The following AVEN variants were observed in gnomAD, a reference collection of about 807,000 sequenced individuals.
AVEN encodes the protein apoptosis and caspase activation inhibitor, also known as cell death regulator Aven.
Under a neutral mutation model 38.1 loss-of-function variants are expected in AVEN, and 41 were observed. That is an observed-to-expected ratio of 1.08 (90% CI 0.84 to 1.40). The LOEUF is 1.40. Among genes scored for constraint, AVEN ranks in the 40% most tolerant of loss-of-function variants. AVEN has a pLI of 0.00. For missense variants in AVEN, 605 were observed against 438.8 expected (o/e 1.38, Z -3.38); for synonymous variants, 206 against 171.8 (o/e 1.20, Z -1.56).
At chr15:33,956,676 C>G (rs2140461023) in intron 2 of AVEN, among the ~76,000 whole-genome samples, 1 of 152,170 alleles carries the variant, frequency 6.6e-6, no homozygotes, top group Non-Finnish European at 1.5e-5. Context: ...TTTAGATAAT[C>G]AGATTTAACA....
At chr15:34,064,280 G>A in intron 4 of AVEN, 1 of 1,614,036 alleles carries the variant, frequency 6.2e-7, no homozygotes, top group Non-Finnish European at 8.5e-7. Flanking sequence ...AAGTGGAAGA[G>A]AAGTTGTACT....
intron 2 of AVEN, among the ~76,000 whole-genome samples, chr15:33,918,720 G>T (rs1893266053): frequency 6.6e-6 from 1 of 152,102 alleles, no homozygotes; most frequent in Non-Finnish European, 1.5e-5. Context: ...CTCCCGAAGT[G>T]CTGGGATTAT....
chr15:34,038,589 G>C (rs1279335723), intron 1 of AVEN, among the ~76,000 whole-genome samples, 191 bp downstream of exon 1: 3 of 146,920 alleles, frequency 2.0e-5, no homozygotes, highest in African/African-American at 5.2e-5. Flanking sequence ...CGAGGGCCAA[G>C]CGCATACCCA....
chr15:33,939,133 G>A (rs511613), intron 2 of AVEN, among the ~76,000 whole-genome samples: 84,503 of 152,084 alleles, frequency 0.56, 26,691 homozygotes, highest in East Asian at 0.75. Context: ...GAGCCACCAC[G>A]CCCGGCCACA....
chr15:33,859,528 A>C (rs1478554615), intron 11 of AVEN: 1 of 1,607,208 alleles, frequency 6.2e-7, no homozygotes, highest in East Asian at 2.2e-5. Flanking sequence ...CTTGCTAAAA[A>C]CAGAACTGTG....
rs540448505 is a variant in AVEN, at chr15:33,981,291, T to C, written c.445+21741A>G. On this transcript the variant is annotated intron_variant, in intron 2 of 5. Transcript: ENST00000306730. ...CATAATTATCTTTTTGCTTGAGTTATTAGCAGTCAAGAAAAACTCATTTGC... is the reference window on the plus strand; with the variant it reads ...CATAATTATCTTTTTGCTTGAGTTACTAGCAGTCAAGAAAAACTCATTTGC... 1.5e-4 allele frequency among the ~76,000 whole-genome samples: 23 copies of C among 152,338 alleles called. No homozygotes were observed. The South Asian group carries it at 4.3e-3, about 29-fold the overall frequency.
intron 2 of AVEN, among the ~76,000 whole-genome samples, chr15:33,899,696 G>C (rs1489074291): frequency 6.6e-6 from 1 of 151,920 alleles, no homozygotes; most frequent in African/African-American, 2.4e-5. Context: ...TCAGTCTCTT[G>C]ACCTCGTGAT....
At chr15:33,899,464 T>C (rs1382004738) in intron 2 of AVEN, among the ~76,000 whole-genome samples, 1 of 7,026 alleles carries the variant, frequency 1.4e-4, no homozygotes, top group African/African-American at 5.0e-4. Flanking sequence ...GAAAACCTTT[T>C]TTTTTTTTTT....
intron 2 of AVEN, among the ~76,000 whole-genome samples, chr15:33,877,363 T>G (rs960253127): frequency 1.3e-5 from 2 of 152,142 alleles, no homozygotes; most frequent in African/African-American, 4.8e-5. Context: ...GCATCAACAC[T>G]GAAAAGCAGG....
At chr15:33,887,460 AAAAT>A (rs1370157788) in intron 2 of AVEN, among the ~76,000 whole-genome samples, 1 of 152,210 alleles carries the variant, frequency 6.6e-6, no homozygotes, top group Non-Finnish European at 1.5e-5. Context: ...AGCTTTTACC[AAAAT>A]AAATATTGTT....
At chr15:33,969,837 A>G (rs2140492020) in intron 2 of AVEN, among the ~76,000 whole-genome samples, 1 of 152,204 alleles carries the variant, frequency 6.6e-6, no homozygotes, top group East Asian at 1.9e-4. Context: ...TCAGTGGTCC[A>G]AACTGTAAAA....
At chr15:33,979,928 G>A (rs1896060436) in intron 2 of AVEN, among the ~76,000 whole-genome samples, 1 of 152,160 alleles carries the variant, frequency 6.6e-6, no homozygotes, top group African/African-American at 2.4e-5. Flanking sequence ...AACCATTCAG[G>A]TGAACACTAA....
chr15:34,031,222 T>G (rs949945936), intron 1 of AVEN, among the ~76,000 whole-genome samples: 7 of 123,706 alleles, frequency 5.7e-5, no homozygotes, highest in African/African-American at 1.2e-4. Flanking sequence ...TTGCCCAGGC[T>G]GGAATGCAAT....
intron 2 of AVEN, among the ~76,000 whole-genome samples, chr15:33,926,098 C>T (rs1893596519): frequency 6.6e-6 from 1 of 152,076 alleles, no homozygotes; most frequent in Non-Finnish European, 1.5e-5. Flanking sequence ...CTCTATATAT[C>T]CATAAAGCAT....
intron 1 of AVEN, chr15:34,006,929 C>T: frequency 2.7e-6 from 1 of 372,432 alleles, no homozygotes; most frequent in Non-Finnish European, 3.7e-6. Context: ...AGAAAAAGAA[C>T]AGAGCAAATA....
chr15:33,979,149 A>G (rs1896023781), intron 2 of AVEN, among the ~76,000 whole-genome samples: 1 of 152,190 alleles, frequency 6.6e-6, no homozygotes, highest in Non-Finnish European at 1.5e-5. Context: ...AAAGGACACA[A>G]CCACAGAAGA....
chr15:33,865,351 C>A (rs115727769), downstream of AVEN: 1,003 of 673,522 alleles, frequency 1.5e-3, 5 homozygotes, highest in African/African-American at 0.017. Flanking sequence ...AAAAAAAAAA[C>A]TGCTGAAAAT....
intron 2 of AVEN, among the ~76,000 whole-genome samples, chr15:33,965,531 C>A (rs900963203): frequency 2.0e-5 from 3 of 151,686 alleles, no homozygotes; most frequent in Admixed American, 2.0e-4. Flanking sequence ...AATGTTCTAG[C>A]AAAAAAGGAC....
intron 1 of AVEN, among the ~76,000 whole-genome samples, chr15:34,017,739 C>T (rs1039306429): frequency 6.6e-6 from 1 of 152,076 alleles, no homozygotes; most frequent in African/African-American, 2.4e-5. Context: ...CTCAGCCTCC[C>T]AAAGTGCTGG....
Sources: gnomAD v4.1 joint callset for allele counts (sites outside exome capture counted in the v4.1 genomes callset) on GRCh38, gnomAD v4.1.1 for gene constraint, MANE v1.5 for transcripts, NCBI Gene and HGNC (gene_info 2026-07-23, HGNC 2026-07-21) for gene names.